The following HAVCR2 variants were observed in gnomAD, a reference collection of about 807,000 sequenced individuals.
HAVCR2 encodes the protein T cell immunoglobulin mucin 3.
In HAVCR2, 13 loss-of-function variants were observed where a neutral mutation model predicts 24.7. That is an observed-to-expected ratio of 0.53 (90% confidence interval 0.34 to 0.84). The LOEUF is 0.84. Ranked by LOEUF, HAVCR2 falls within the 40% of genes least tolerant of loss-of-function variation. HAVCR2 has a pLI of 0.01. For missense variants in HAVCR2, 343 were observed against 371.2 expected (o/e 0.92, Z 0.62); for synonymous variants, 154 against 143.4 (o/e 1.07, Z -0.53).
intron 3 of HAVCR2, among the ~76,000 whole-genome samples, chr5:157,100,342 C>G (rs1488600008): frequency 6.6e-6 from 1 of 152,182 alleles, no homozygotes; most frequent in Non-Finnish European, 1.5e-5. Context: ...CTGCCTTCAC[C>G]AGCCCTTACC....
intron 6 of HAVCR2, 54 bp from the exon 7 acceptor site, chr5:157,087,348 T>C: frequency 1.3e-6 from 2 of 1,487,636 alleles, no homozygotes; most frequent in Non-Finnish European, 9.1e-7. Context: ...TAACACGGAA[T>C]AGAGTTAAGA....
chr5:157,108,771 T>C (rs1561625113), intron 1 of HAVCR2, among the ~76,000 whole-genome samples, 155 bp downstream of exon 1: 1 of 152,236 alleles, frequency 6.6e-6, no homozygotes, highest in Non-Finnish European at 1.5e-5. Context: ...CATGATTATA[T>C]CACATTTATT....
chr5:157,097,135 A>T (rs1298608488), intron 4 of HAVCR2, among the ~76,000 whole-genome samples: 3 of 152,160 alleles, frequency 2.0e-5, no homozygotes, highest in Non-Finnish European at 4.4e-5. Flanking sequence ...CTTAAAAAGC[A>T]CTGTTTGATT....
chr5:157,098,796 T>G (rs1237393468), intron 4 of HAVCR2, 62 bp downstream of exon 4: 1 of 1,494,252 alleles, frequency 6.7e-7, no homozygotes, highest in African/African-American at 1.4e-5. Context: ...ATGAAGGAAG[T>G]CTAAAGCCAT....
At chr5:157,107,743 C>T (rs991880383) in intron 1 of HAVCR2, among the ~76,000 whole-genome samples, 24 of 152,230 alleles carry the variant, frequency 1.6e-4, no homozygotes, top group African/African-American at 5.8e-4. Context: ...ATTGATAGCT[C>T]ATCTTTACCG....
chr5:157,105,065 ATTT>A lies in HAVCR2; in HGVS notation c.395-319_395-317del, dbSNP rs3048394. ...AGATCAGAAATGTTTTAGATTTTGA[ATTT>A]TTTTTTTTTTTTTGAAACGGAGTTT... On this transcript the variant is annotated intron_variant, in intron 2 of 6. Coordinates refer to ENST00000307851, the MANE Select transcript of HAVCR2 (RefSeq NM_032782.5). 1,094 of 153,954 alleles carry A rather than the reference ATTT, an allele frequency of 7.1e-3. 1 individual carries two copies. The highest frequency in any genetic ancestry group is 0.023 in the South Asian group (123 of 5,380). 9.5% of individuals were successfully genotyped at this position (153,954 alleles called of 1,614,324 possible).
At chr5:157,090,670 A>G (rs1756986713) in intron 5 of HAVCR2, among the ~76,000 whole-genome samples, 1 of 152,174 alleles carries the variant, frequency 6.6e-6, no homozygotes, top group African/African-American at 2.4e-5. Context: ...GGCATGAGCC[A>G]TTGTGCTCAG....
chr5:157,095,287 G>A lies in HAVCR2; in HGVS notation c.676+19C>T. The A allele has an allele frequency of 1.2e-6, 2 of 1,611,922 alleles. No individual in the cohort carries two copies. Among genetic ancestry groups the A allele is most frequent in the Non-Finnish European group, 1.7e-6 (2 of 1,179,100 alleles). On this transcript the variant is annotated intron_variant, in intron 5 of 6. Coordinates refer to ENST00000307851, the MANE Select transcript of HAVCR2 (RefSeq NM_032782.5). ...TGAAGAATTTGTTATCAGAGGGAGA[G>A]AGAAACAAAAACACTTACATTTGAA...
At chr5:157,087,740 C>A (rs1214918164) in intron 6 of HAVCR2, among the ~76,000 whole-genome samples, 1 of 151,724 alleles carries the variant, frequency 6.6e-6, no homozygotes. Context: ...CCCGTCTCTA[C>A]TAAACATACA....
At chr5:157,108,235 C>T (rs980393095) in intron 1 of HAVCR2, among the ~76,000 whole-genome samples, 3 of 152,028 alleles carry the variant, frequency 2.0e-5, no homozygotes, top group Admixed American at 2.0e-4. Context: ...GTAATCCCAG[C>T]ACTTTGGGAG....
At chr5:157,103,180 G>A (rs1402057612) in intron 3 of HAVCR2, among the ~76,000 whole-genome samples, 1 of 151,878 alleles carries the variant, frequency 6.6e-6, no homozygotes, top group East Asian at 1.9e-4. Flanking sequence ...TGGCTAACAC[G>A]GTGAAACTCT....
At position 157,087,078 on chromosome 5, in the gene HAVCR2, A is replaced by G; in HGVS notation, c.*24T>C. The stretch of plus-strand genomic sequence containing the variant: ...AGTTTCTGAAAAAGACAAAACACCA[A>G]GCTCAAAAATAAGGTGGTTGGATCT... On this transcript the variant is annotated 3_prime_UTR_variant, in exon 7 of 7. Coordinates refer to ENST00000307851, the MANE Select transcript of HAVCR2 (RefSeq NM_032782.5). The G allele has an allele frequency of 6.2e-7, 1 of 1,606,818 alleles. No individual in the cohort carries two copies. The highest frequency in any genetic ancestry group is 8.5e-7 in the Non-Finnish European group (1 of 1,177,310).
At chr5:157,105,071 T>C in intron 2 of HAVCR2, 1 of 170,560 alleles carries the variant, frequency 5.9e-6, no homozygotes, top group Non-Finnish European at 1.2e-5. Flanking sequence ...TTGAATTTTT[T>C]TTTTTTTTTT....
intron 3 of HAVCR2, among the ~76,000 whole-genome samples, chr5:157,103,645 T>C (rs1191894894): frequency 6.6e-6 from 1 of 152,198 alleles, no homozygotes; most frequent in East Asian, 1.9e-4. Flanking sequence ...AATAAACAGT[T>C]GAGTGCTTTT....
At chr5:157,103,306 A>G (rs536352997) in intron 3 of HAVCR2, among the ~76,000 whole-genome samples, 6 of 151,856 alleles carry the variant, frequency 4.0e-5, no homozygotes, top group East Asian at 1.9e-4. Flanking sequence ...AGGAGGCGGA[A>G]CTTGCAGTGA....
intron 6 of HAVCR2, among the ~76,000 whole-genome samples, chr5:157,088,287 G>A (rs188396484): frequency 6.6e-6 from 1 of 152,194 alleles, no homozygotes; most frequent in Non-Finnish European, 1.5e-5. Flanking sequence ...AATCTAGTAA[G>A]TTATGTAAGC....
rs34630871 is a variant in HAVCR2 at position 157,092,436 on chromosome 5, T to C, written c.676+2870A>G. Among the ~76,000 whole-genome samples the C allele has an allele frequency of 4.7e-3, 707 of 151,872 alleles. 1 individual carries two copies. The highest frequency in any genetic ancestry group is 7.3e-3 in the Non-Finnish European group (497 of 67,966). ...ACATAGCAAGATCTCATTTCTATTT[T>C]TATTTTATTTTATTTTATTTATTTT... On this transcript the variant is annotated intron_variant, in intron 5 of 6. Transcript: ENST00000307851.
intron 5 of HAVCR2, among the ~76,000 whole-genome samples, chr5:157,092,006 C>G (rs1266971115): frequency 1.3e-5 from 2 of 152,066 alleles, no homozygotes; most frequent in African/African-American, 4.8e-5. Flanking sequence ...CCTTTCTTAT[C>G]TGTACTTCTC....
At chr5:157,106,124 CTTTTCTTTTCT>C (rs1376742828) in intron 2 of HAVCR2, 2 of 46,106 alleles carry the variant, frequency 4.3e-5, no homozygotes, top group Non-Finnish European at 7.8e-5. Context: ...TTTGGCTTTT[CTTTTCTTTTCT>C]TTTTTTTTTT....
Sources: gnomAD v4.1 joint callset for allele counts (sites outside exome capture counted in the v4.1 genomes callset) on GRCh38, gnomAD v4.1.1 for gene constraint, MANE v1.5 for transcripts, NCBI Gene and HGNC (gene_info 2026-07-23, HGNC 2026-07-21) for gene names.